Variants in SRRM4 observed in about 807,000 individuals in gnomAD.
SRRM4 encodes serine/arginine repetitive matrix 4.
Under a neutral mutation model 68.9 loss-of-function variants are expected in SRRM4, and 33 were observed. The ratio of observed to expected loss-of-function variants is 0.48; its 90% CI spans 0.36 to 0.64. The LOEUF (loss-of-function observed/expected upper bound fraction) is 0.64, where lower values mean the gene tolerates loss of function less well. Ranked by LOEUF, SRRM4 falls within the 30% of genes least tolerant of loss-of-function variation. The pLI, the probability that SRRM4 is intolerant of heterozygous loss-of-function variation, is 0.00. For missense variants in SRRM4, 817 were observed against 827.1 expected, an observed-to-expected ratio of 0.99 and a Z score of 0.15; for synonymous variants, 318 against 318.8, an observed-to-expected ratio of 1.00 and a Z score of 0.03.
In SRRM4 at chr12:119,098,014, C is replaced by T. The variant is rs534502048; in HGVS notation, c.132-4222C>T. Among the ~76,000 whole-genome samples the T allele has an allele frequency of 8.5e-5, 13 of 152,286 alleles. No homozygotes were observed. The South Asian group carries it at 1.2e-3, about 15-fold the overall frequency. ...GAATTATATTCTTATGTGTCTCCAC[C>T]TTGACATAGTAATAATGTGTGACTT... On this transcript the variant is annotated intron_variant, in intron 1 of 12. Coordinates refer to ENST00000267260, the MANE Select transcript of SRRM4 (RefSeq NM_194286.4).
chr12:119,051,441 G>T (rs964613333), intron 1 of SRRM4, among the ~76,000 whole-genome samples: 1 of 152,196 alleles, frequency 6.6e-6, no homozygotes, highest in African/African-American at 2.4e-5. Flanking sequence ...ACCCAAGCAT[G>T]CAAGTTACAG....
chr12:118,987,298 T>G (rs548356183), intron 1 of SRRM4, among the ~76,000 whole-genome samples: 4 of 152,280 alleles, frequency 2.6e-5, no homozygotes, highest in Admixed American at 2.0e-4. Flanking sequence ...GATGCTCTTG[T>G]GTACTATGCC....
At chr12:119,120,963 A>G (rs1365098769) in intron 5 of SRRM4, among the ~76,000 whole-genome samples, 1 of 152,232 alleles carries the variant, frequency 6.6e-6, no homozygotes, top group Non-Finnish European at 1.5e-5. Context: ...GCAATCTGCA[A>G]AATGCAAAGC....
intron 1 of SRRM4, among the ~76,000 whole-genome samples, chr12:119,075,348 GGAT>G (rs912257933): frequency 3.3e-5 from 5 of 152,010 alleles, no homozygotes; most frequent in Non-Finnish European, 5.9e-5. Context: ...GATCTGGACT[GGAT>G]GATGATGATG....
At chr12:118,991,324 G>C (rs139496434) in intron 1 of SRRM4, among the ~76,000 whole-genome samples, 137 of 152,244 alleles carry the variant, frequency 9.0e-4, no homozygotes, top group Admixed American at 2.6e-3. Context: ...CTCTCCCCTG[G>C]TGCCTGATTT....
At chr12:119,040,773 G>C (rs1953663267) in intron 1 of SRRM4, among the ~76,000 whole-genome samples, 1 of 151,950 alleles carries the variant, frequency 6.6e-6, no homozygotes, top group South Asian at 2.1e-4. Flanking sequence ...GAGGGATGGA[G>C]TCTCACTCAC....
intron 6 of SRRM4, among the ~76,000 whole-genome samples, chr12:119,124,991 G>C (rs995178843): frequency 7.2e-5 from 11 of 152,142 alleles, no homozygotes; most frequent in African/African-American, 2.4e-4. Flanking sequence ...TGTTAGTGCT[G>C]GGCTGATCCA....
rs995975179 is a variant in SRRM4, at chr12:119,154,143, C to G, written c.1392-100C>G. 8 of 1,130,556 alleles carry G rather than the reference C, an allele frequency of 7.1e-6. No homozygotes were observed. In the Admixed American group the frequency reaches 1.7e-4, roughly 25 times the overall value. The allele number at this position is 1,130,556 out of a possible 1,614,324, so 70.0% of individuals were successfully genotyped here. On this transcript the variant is annotated intron_variant, in intron 11 of 12. Coordinates refer to ENST00000267260, the MANE Select transcript of SRRM4 (RefSeq NM_194286.4). This position sits in a 1 kb window ranked among gnomAD's most constrained non-coding sequence, Gnocchi z 4.7. ...CAACGTGCAGACCCCATCCCGTGAC[C>G]CAGTGGGGTGGGAAAGAAAGGGAGT...
intron 1 of SRRM4, among the ~76,000 whole-genome samples, chr12:119,079,335 A>G (rs572928208): frequency 6.6e-6 from 1 of 152,276 alleles, no homozygotes; most frequent in East Asian, 1.9e-4. Context: ...GAGGAATCCA[A>G]AGGATTTTAA....
At chr12:118,982,211 T>TG (rs942622186) in intron 1 of SRRM4, among the ~76,000 whole-genome samples, 198 bp downstream of exon 1, 2 of 152,198 alleles carry the variant, frequency 1.3e-5, no homozygotes, top group Admixed American at 1.3e-4. Flanking sequence ...AGGAATTCTT[T>TG]GGGGGAAAGC....
chr12:118,981,732 C>T lies in SRRM4; in HGVS notation c.-151C>T. 1.2e-6 allele frequency: 1 copy of T among 812,960 alleles called. No individual in the cohort carries two copies. The highest frequency in any genetic ancestry group is 2.0e-5 in the South Asian group (1 of 51,184). The allele number at this position is 812,960 out of a possible 1,614,324, so 50.4% of individuals were successfully genotyped here. ...GCTGCCTGCCCGGGCTGGGGCGTCC[C>T]ATCCCCCGCCCTGAACTCCGATCTC... On this transcript the variant is annotated 5_prime_UTR_variant, in exon 1 of 13. Coordinates refer to ENST00000267260, the MANE Select transcript of SRRM4 (RefSeq NM_194286.4).
chr12:119,138,355 G>T (rs1312102270), intron 8 of SRRM4, among the ~76,000 whole-genome samples: 1 of 152,206 alleles, frequency 6.6e-6, no homozygotes, highest in East Asian at 1.9e-4. Flanking sequence ...TACTGAAGCA[G>T]ATAGTGTCCA....
rs943726327 is a variant in SRRM4 at position 119,090,489 on chromosome 12, G to A, written c.132-11747G>A. Among the ~76,000 whole-genome samples the A allele has an allele frequency of 4.6e-5, 7 of 152,272 alleles. No individual in the cohort carries two copies. The East Asian group carries it at 1.4e-3, about 29-fold the overall frequency. On this transcript the variant is annotated intron_variant, in intron 1 of 12. Coordinates refer to ENST00000267260, the MANE Select transcript of SRRM4 (RefSeq NM_194286.4). ...TAGAATTGGTCTGACCTTGAGGCAA[G>A]GGGGCAGGTCTTTTGTACTCCTATG... is the stretch of plus-strand genomic sequence containing the variant.
chr12:119,065,849 A>T (rs1203942898), intron 1 of SRRM4, among the ~76,000 whole-genome samples: 1 of 152,142 alleles, frequency 6.6e-6, no homozygotes, highest in Non-Finnish European at 1.5e-5. Flanking sequence ...GGATGGATGG[A>T]TGCATAAATG....
At position 119,082,201 on chromosome 12, in the gene SRRM4, C is replaced by A. The variant is rs182229728; in HGVS notation, c.132-20035C>A. Among the ~76,000 whole-genome samples the A allele has an allele frequency of 3.3e-5, 5 of 152,088 alleles. No homozygotes were observed. The East Asian group carries it at 9.7e-4, about 29-fold the overall frequency. On this transcript the variant is annotated intron_variant, in intron 1 of 12. Coordinates refer to ENST00000267260, the MANE Select transcript of SRRM4 (RefSeq NM_194286.4). ...AGCAGGGGCCTCTAAAGGGCTCAGCCGCTCCTTTGAACAAGAGCCAAGACC... is the reference window on the plus strand; with the variant it reads ...AGCAGGGGCCTCTAAAGGGCTCAGCAGCTCCTTTGAACAAGAGCCAAGACC...
At chr12:119,025,437 TTTG>T (rs1480481167) in intron 1 of SRRM4, among the ~76,000 whole-genome samples, 3 of 148,644 alleles carry the variant, frequency 2.0e-5, no homozygotes, top group East Asian at 2.0e-4. Flanking sequence ...AGTTTTTTTT[TTTG>T]TTTGTTTGTT....
chr12:119,145,320 A>G (rs1488082314), intron 8 of SRRM4, 61 bp from the exon 9 acceptor site: 8 of 1,396,982 alleles, frequency 5.7e-6, no homozygotes, highest in Non-Finnish European at 4.9e-6. Flanking sequence ...TTTCTTGGTT[A>G]TTTAGAAACA....
Position 119,157,150 on chromosome 12 carries a change from CT to C in SRRM4, c.*354del, listed in dbSNP as rs1005331137. 12 of 250,756 alleles carry C rather than the reference CT, an allele frequency of 4.8e-5. No individual in the cohort carries two copies. Among genetic ancestry groups the C allele is most frequent in the African/African-American group, 2.7e-4 (12 of 44,238 alleles). 15.5% of individuals were successfully genotyped at this position (250,756 alleles called of 1,614,324 possible). ...TGGCCAGGAAAATGTGGAGACAGTT[CT>C]TCTCCTCCACTGCTCACAGGAGGCC... is the stretch of plus-strand genomic sequence containing the variant. On this transcript the variant is annotated 3_prime_UTR_variant, in exon 13 of 13. Coordinates refer to ENST00000267260, the MANE Select transcript of SRRM4 (RefSeq NM_194286.4). The surrounding 1 kb of genome is among the most constrained non-coding windows in gnomAD (Gnocchi z 4.1).
chr12:119,065,839 G>A (rs1380207624), intron 1 of SRRM4, among the ~76,000 whole-genome samples: 1 of 152,160 alleles, frequency 6.6e-6, no homozygotes, highest in African/African-American at 2.4e-5. Flanking sequence ...ATGGATGAGT[G>A]GATGGATGGA....
Sources: gnomAD v4.1 joint callset for allele counts (sites outside exome capture counted in the v4.1 genomes callset) on GRCh38, gnomAD v4.1.1 for gene constraint, Gnocchi (gnomAD v3.1) non-coding constraint, MANE v1.5 for transcripts, NCBI Gene and HGNC (gene_info 2026-07-23, HGNC 2026-07-21) for gene names.